OSBPL6: variants seen among roughly 807,000 people sequenced by gnomAD.
The protein encoded by OSBPL6 is oxysterol binding protein like 6.
OSBPL6 carries 49 observed loss-of-function variants against 125.8 expected under a neutral mutation model. The observed-to-expected ratio is 0.39, with a 90% confidence interval of 0.31 to 0.49. OSBPL6 has a LOEUF of 0.49. Ranked by LOEUF, OSBPL6 falls within the 20% of genes least tolerant of loss-of-function variation. The probability of loss-of-function intolerance (pLI) is 0.88; values close to 1 mark genes in which losing one functional copy is unlikely to be tolerated. For synonymous variants in OSBPL6, 394 were observed against 391.8 expected, an observed-to-expected ratio of 1.01 and a Z score of -0.07; for missense variants, 986 against 1,135.4, an observed-to-expected ratio of 0.87 and a Z score of 1.89.
At chr2:178,196,951 G>C (rs1348204777) in intron 1 of OSBPL6, among the ~76,000 whole-genome samples, 2 of 151,390 alleles carry the variant, frequency 1.3e-5, no homozygotes, top group African/African-American at 4.9e-5. Context: ...TGTAGTTGTA[G>C]TTCACTGACT....
In OSBPL6 at chr2:178,299,030, CTG is replaced by C. The variant is rs201033009; in HGVS notation, c.-155-6997_-155-6996del. On this transcript the variant is annotated intron_variant, in intron 2 of 24. Coordinates refer to ENST00000190611, the MANE Select transcript of OSBPL6 (RefSeq NM_032523.4). ...TTATTGTTGCCAAAAAGTCTTAGCA[CTG>C]TGCTGACAATTGGTATCTGTTAGCA... 6.6e-3 allele frequency among the ~76,000 whole-genome samples: 1,011 copies of C among 152,322 alleles called. 10 individuals are homozygous for C. Among genetic ancestry groups the C allele is most frequent in the African/African-American group, 0.023 (974 of 41,572 alleles).
At chr2:178,289,240 A>C (rs984059341) in intron 2 of OSBPL6, among the ~76,000 whole-genome samples, 1 of 149,878 alleles carries the variant, frequency 6.7e-6, no homozygotes, top group Non-Finnish European at 1.5e-5. Context: ...CTGGTCTCAA[A>C]GTCGTGACCT....
chr2:178,392,222 A>G (rs73034351), intron 22 of OSBPL6, among the ~76,000 whole-genome samples, 190 bp from the exon 23 acceptor site: 4,962 of 152,298 alleles, frequency 0.033, 220 homozygotes, highest in African/African-American at 0.11. Context: ...GAATCTGTCA[A>G]TTCTGATCAT....
At chr2:178,298,943 A>G (rs967167551) in intron 2 of OSBPL6, among the ~76,000 whole-genome samples, 1 of 152,118 alleles carries the variant, frequency 6.6e-6, no homozygotes, top group Non-Finnish European at 1.5e-5. Flanking sequence ...ATTTGTACAC[A>G]CCTAGGGATT....
chr2:178,239,900 T>G (rs941704511), intron 1 of OSBPL6, among the ~76,000 whole-genome samples: 4 of 152,054 alleles, frequency 2.6e-5, no homozygotes, highest in African/African-American at 9.7e-5. Flanking sequence ...GTGCTGGGAT[T>G]ACAGGTGTGA....
At chr2:178,356,611 A>G (rs1355127179) in intron 12 of OSBPL6, among the ~76,000 whole-genome samples, 1 of 152,252 alleles carries the variant, frequency 6.6e-6, no homozygotes, top group African/African-American at 2.4e-5. Context: ...ATGGAAGAAC[A>G]TTCCATGCTC....
chr2:178,305,964 C>G, intron 2 of OSBPL6, 66 bp from the exon 3 acceptor site: 1 of 350,018 alleles, frequency 2.9e-6, no homozygotes, highest in East Asian at 4.8e-5. Flanking sequence ...AATATTTCAT[C>G]CTAAAGATAA....
chr2:178,280,948 A>G (rs1282324768), intron 1 of OSBPL6, among the ~76,000 whole-genome samples: 1 of 151,732 alleles, frequency 6.6e-6, no homozygotes, highest in Non-Finnish European at 1.5e-5. Context: ...TTCTGTGCAG[A>G]AACTCTTTAG....
chr2:178,281,089 A>G (rs1684126894), intron 1 of OSBPL6, among the ~76,000 whole-genome samples: 1 of 148,322 alleles, frequency 6.7e-6, no homozygotes. Flanking sequence ...ATCTAGGCTC[A>G]TTGAAACCTC....
intron 1 of OSBPL6, among the ~76,000 whole-genome samples, chr2:178,227,865 T>C (rs1012935501): frequency 6.6e-6 from 1 of 152,198 alleles, no homozygotes; most frequent in African/African-American, 2.4e-5. Flanking sequence ...GAAGATGAGA[T>C]GGGAGGACCA....
intron 2 of OSBPL6, among the ~76,000 whole-genome samples, chr2:178,294,664 G>C (rs1685571540): frequency 6.6e-6 from 1 of 151,138 alleles, no homozygotes; most frequent in African/African-American, 2.4e-5. Context: ...CTATCATAAA[G>C]TCGGAAAATT....
At chr2:178,221,717 T>C (rs1025706007) in intron 1 of OSBPL6, among the ~76,000 whole-genome samples, 2 of 152,242 alleles carry the variant, frequency 1.3e-5, no homozygotes, top group African/African-American at 4.8e-5. Flanking sequence ...TGAGTGATAC[T>C]CACAGGATAA....
At chr2:178,349,412 C>T (rs936639750) in intron 12 of OSBPL6, 23 bp downstream of exon 12, 49 of 1,606,330 alleles carry the variant, frequency 3.1e-5, no homozygotes, top group African/African-American at 4.0e-5. Flanking sequence ...ATAATGCGCC[C>T]TTTAAAGAAG....
chr2:178,227,524 T>C (rs2090614487), intron 1 of OSBPL6, among the ~76,000 whole-genome samples: 1 of 152,174 alleles, frequency 6.6e-6, no homozygotes, highest in Non-Finnish European at 1.5e-5. Context: ...GCCCTGTACA[T>C]ATAAAAAACT....
chr2:178,367,799 A>G (rs1692990648), intron 13 of OSBPL6, among the ~76,000 whole-genome samples: 1 of 152,222 alleles, frequency 6.6e-6, no homozygotes, highest in South Asian at 2.1e-4. Context: ...CAGTAAAGCA[A>G]GTGGTGAGAA....
chr2:178,269,379 T>C (rs1025889275), intron 1 of OSBPL6, among the ~76,000 whole-genome samples: 2 of 152,216 alleles, frequency 1.3e-5, no homozygotes, highest in African/African-American at 4.8e-5. Flanking sequence ...AATTTGTCTT[T>C]TAATGGGCAT....
At chr2:178,344,552 A>G (rs187602997) in intron 11 of OSBPL6, among the ~76,000 whole-genome samples, 18 of 152,308 alleles carry the variant, frequency 1.2e-4, no homozygotes, top group African/African-American at 4.3e-4. Context: ...TCCTTTTTAC[A>G]ATGGAGAACT....
At chr2:178,329,002 C>A (rs1307103189) in intron 5 of OSBPL6, among the ~76,000 whole-genome samples, 2 of 152,168 alleles carry the variant, frequency 1.3e-5, no homozygotes, top group African/African-American at 4.8e-5. Context: ...ATTTTAAATG[C>A]ATGCATGTAT....
intron 3 of OSBPL6, chr2:178,320,180 A>G (rs1478564037): frequency 7.3e-7 from 1 of 1,376,152 alleles, no homozygotes; most frequent in Non-Finnish European, 9.7e-7. Flanking sequence ...TAAGTGTCTC[A>G]TTGTCTGTCT....
Sources: gnomAD v4.1 joint callset for allele counts (sites outside exome capture counted in the v4.1 genomes callset) on GRCh38, gnomAD v4.1.1 for gene constraint, MANE v1.5 for transcripts, NCBI Gene and HGNC (gene_info 2026-07-23, HGNC 2026-07-21) for gene names.